Variants in CDK19 observed in about 807,000 individuals in gnomAD.
The protein encoded by CDK19 is cyclin-dependent kinase 19.
Under a neutral mutation model 68.3 loss-of-function variants are expected in CDK19, and 20 were observed. That is an observed-to-expected ratio of 0.29 (90% CI 0.21 to 0.43). CDK19 has a LOEUF of 0.43. Ranked by LOEUF, CDK19 falls within the 20% of genes least tolerant of loss-of-function variation. CDK19 has a pLI of 1.00. For synonymous variants in CDK19, 221 were observed against 222.8 expected, an observed-to-expected ratio of 0.99 and a Z score of 0.07; for missense variants, 339 against 623.5, an observed-to-expected ratio of 0.54 and a Z score of 4.86.
intron 5 of CDK19, 71 bp downstream of exon 5, chr6:110,638,578 A>G: frequency 2.5e-6 from 2 of 786,596 alleles, no homozygotes; most frequent in Non-Finnish European, 4.5e-6. Flanking sequence ...AAATAAGGGC[A>G]TTAAAAAGGG....
chr6:110,703,733 G>A (rs6941415), intron 2 of CDK19, among the ~76,000 whole-genome samples: 3 of 151,902 alleles, frequency 2.0e-5, no homozygotes, highest in African/African-American at 7.3e-5. Flanking sequence ...CCAGCAACTC[G>A]GGAGGCTGAA....
intron 2 of CDK19, among the ~76,000 whole-genome samples, chr6:110,699,296 A>G (rs888527939): frequency 1.3e-5 from 2 of 151,734 alleles, no homozygotes; most frequent in East Asian, 1.9e-4. Flanking sequence ...GTGGTGGTGC[A>G]TGTCTGTAAT....
intron 4 of CDK19, among the ~76,000 whole-genome samples, chr6:110,651,290 GT>G (rs1408017774): frequency 4.8e-5 from 7 of 146,312 alleles, no homozygotes; most frequent in African/African-American, 1.1e-4. Context: ...TTATGTATCT[GT>G]CTGTCTAACT....
At chr6:110,694,247 A>G (rs927166057) in intron 2 of CDK19, among the ~76,000 whole-genome samples, 1 of 152,170 alleles carries the variant, frequency 6.6e-6, no homozygotes, top group African/African-American at 2.4e-5. Flanking sequence ...TCTTCAAGAG[A>G]CTCACCTAAC....
intron 2 of CDK19, among the ~76,000 whole-genome samples, chr6:110,711,609 G>C (rs1394569458): frequency 6.6e-6 from 1 of 152,174 alleles, no homozygotes; most frequent in African/African-American, 2.4e-5. Flanking sequence ...TAAGTCAAAG[G>C]AAAATATCAG....
At chr6:110,760,048 T>G in intron 1 of CDK19, among the ~76,000 whole-genome samples, 1 of 152,084 alleles carries the variant, frequency 6.6e-6, no homozygotes. Flanking sequence ...ACAATAAGAT[T>G]TATAATAATA....
Position 110,738,978 on chromosome 6 carries a change from A to G in CDK19, c.204+7148T>C, listed in dbSNP as rs73766016. On this transcript the variant is annotated intron_variant, in intron 2 of 12. Coordinates refer to ENST00000368911, the MANE Select transcript of CDK19 (RefSeq NM_015076.5). ...CCTGCCTCTCACCACAGAAACATCA[A>G]TGCTGGGATATTGATGGATATATAC... Among the ~76,000 whole-genome samples, 585 of 152,294 alleles carry G rather than the reference A, an allele frequency of 3.8e-3. 3 individuals are homozygous for G. Among genetic ancestry groups the G allele is most frequent in the African/African-American group, 0.013 (538 of 41,568 alleles).
chr6:110,696,332 T>TA (rs1262670787), intron 2 of CDK19, among the ~76,000 whole-genome samples: 1 of 152,070 alleles, frequency 6.6e-6, no homozygotes, highest in African/African-American at 2.4e-5. Context: ...AAAATCAGCA[T>TA]AGAAGGAACA....
chr6:110,616,411 T>A (rs1008943558), intron 12 of CDK19, among the ~76,000 whole-genome samples: 3 of 152,120 alleles, frequency 2.0e-5, no homozygotes, highest in Admixed American at 2.0e-4. Flanking sequence ...CTCACACCTG[T>A]AATCCCAGCA....
At chr6:110,677,846 T>C (rs1018727754) in intron 2 of CDK19, among the ~76,000 whole-genome samples, 2 of 152,136 alleles carry the variant, frequency 1.3e-5, no homozygotes, top group African/African-American at 4.8e-5. Flanking sequence ...ATACAATTTT[T>C]ACTTACTAAC....
intron 1 of CDK19, among the ~76,000 whole-genome samples, chr6:110,749,056 T>C (rs1463518837): frequency 2.0e-5 from 3 of 152,218 alleles, no homozygotes; most frequent in African/African-American, 7.2e-5. Flanking sequence ...TCAGAGAAAC[T>C]GTTTTCTACA....
Position 110,613,088 on chromosome 6 carries a change from T to C in CDK19, c.*1447A>G, listed in dbSNP as rs898600239. The C allele has an allele frequency of 3.9e-5, 6 of 152,608 alleles. No individual in the cohort carries two copies. Among genetic ancestry groups the C allele is most frequent in the African/African-American group, 1.2e-4 (5 of 41,450 alleles). 9.5% of individuals were successfully genotyped at this position (152,608 alleles called of 1,614,324 possible). A position where few individuals can be genotyped will look rare whatever the true frequency, so the allele number is the denominator to read the frequency against. On this transcript the variant is annotated 3_prime_UTR_variant, in exon 13 of 13. Transcript: ENST00000368911. ...CTAGTAGCATTCAGAAGAACACAAA[T>C]TTCTTGCCCCTTACATTACAATGGG...
At chr6:110,641,980 A>G (rs1191217949) in intron 4 of CDK19, among the ~76,000 whole-genome samples, 1 of 152,196 alleles carries the variant, frequency 6.6e-6, no homozygotes, top group Non-Finnish European at 1.5e-5. Flanking sequence ...TGCAACTGGA[A>G]AACAACTTTG....
intron 2 of CDK19, among the ~76,000 whole-genome samples, chr6:110,702,230 G>C (rs916170537): frequency 1.3e-5 from 2 of 152,156 alleles, no homozygotes; most frequent in South Asian, 4.2e-4. Context: ...AGGATTGCTT[G>C]AGCCCAGGAT....
chr6:110,616,563 G>A (rs565609054), intron 12 of CDK19, among the ~76,000 whole-genome samples: 2 of 151,996 alleles, frequency 1.3e-5, no homozygotes, highest in Admixed American at 1.3e-4. Flanking sequence ...AGCTACTCGG[G>A]AGGCTGAGGC....
At chr6:110,699,817 C>T (rs138177337) in intron 2 of CDK19, among the ~76,000 whole-genome samples, 84 of 152,196 alleles carry the variant, frequency 5.5e-4, no homozygotes, top group African/African-American at 2.0e-3. Flanking sequence ...TGAACAAAGT[C>T]AAAAAGCTAA....
chr6:110,645,447 T>C (rs1354901295), intron 4 of CDK19, among the ~76,000 whole-genome samples: 1 of 152,152 alleles, frequency 6.6e-6, no homozygotes, highest in African/African-American at 2.4e-5. Flanking sequence ...TTAAATATGT[T>C]AGGAAGAGAA....
intron 2 of CDK19, among the ~76,000 whole-genome samples, chr6:110,690,627 C>T (rs910516999): frequency 4.6e-5 from 7 of 152,152 alleles, no homozygotes; most frequent in African/African-American, 1.4e-4. Flanking sequence ...GTCCACACCA[C>T]AAAGGAATAA....
chr6:110,652,576 G>T (rs535676715), intron 4 of CDK19, among the ~76,000 whole-genome samples: 2 of 152,098 alleles, frequency 1.3e-5, no homozygotes, highest in Non-Finnish European at 2.9e-5. Flanking sequence ...AAAACACTAC[G>T]AAGTATGAGA....
Sources: allele counts gnomAD v4.1 joint callset (sites outside exome capture counted in the v4.1 genomes callset), GRCh38; gene constraint gnomAD v4.1.1; transcripts MANE v1.5; gene names NCBI Gene and HGNC (gene_info 2026-07-23, HGNC 2026-07-21).